Variants in DACH2 observed in about 807,000 individuals in gnomAD.
DACH2 encodes the protein dachshund homolog 2.
Under a neutral mutation model 35.8 loss-of-function variants are expected in DACH2, and 17 were observed. The ratio of observed to expected loss-of-function variants is 0.48; its 90% CI spans 0.33 to 0.71. The LOEUF (loss-of-function observed/expected upper bound fraction) is 0.71. Ranked by LOEUF, DACH2 falls within the 30% of genes least tolerant of loss-of-function variation. DACH2 has a pLI of 0.02. For missense variants in DACH2, 469 were observed against 472.7 expected (o/e 0.99, Z 0.07); for synonymous variants, 195 against 177.3 (o/e 1.10, Z -0.79).
chrX:86,191,277 C>A (rs979859559), intron 1 of DACH2, among the ~76,000 whole-genome samples: 2 of 111,978 alleles, frequency 1.8e-5, no homozygotes, highest in South Asian at 3.7e-4. Flanking sequence ...TATATATACA[C>A]CATGGAATAC....
intron 7 of DACH2, among the ~76,000 whole-genome samples, chrX:86,785,542 T>C (rs1466548091): frequency 4.5e-5 from 5 of 111,505 alleles, no homozygotes; most frequent in African/African-American, 1.6e-4. Context: ...TTTATAAGAA[T>C]AGGATCTTTG....
intron 7 of DACH2, among the ~76,000 whole-genome samples, chrX:86,777,889 A>G (rs1369254271): frequency 8.9e-6 from 1 of 111,822 alleles, no homozygotes; most frequent in Non-Finnish European, 1.9e-5. Flanking sequence ...AAGATGCCCC[A>G]GGTAACATAT....
chrX:86,275,520 C>T (rs1321633761), intron 1 of DACH2, among the ~76,000 whole-genome samples: 1 of 111,527 alleles, frequency 9.0e-6, no homozygotes, highest in East Asian at 2.8e-4. Context: ...AGGTGTCCAT[C>T]CCCTCAAGCA....
intron 2 of DACH2, among the ~76,000 whole-genome samples, chrX:86,510,605 A>C (rs762978291): frequency 8.9e-6 from 1 of 111,832 alleles, no homozygotes; most frequent in Non-Finnish European, 1.9e-5. Flanking sequence ...GGGCCCAGAG[A>C]AATTATGATT....
chrX:86,476,462 T>A (rs748996299), intron 2 of DACH2, among the ~76,000 whole-genome samples: 1 of 112,076 alleles, frequency 8.9e-6, no homozygotes, highest in African/African-American at 3.2e-5. Context: ...TAGTCACTAA[T>A]CCTTTGAACT....
At position 86,310,371 on chromosome X, in the gene DACH2, C is replaced by G. The variant is rs376151711; in HGVS notation, c.489-66453C>G. 3.9e-4 allele frequency among the ~76,000 whole-genome samples: 44 copies of G among 111,694 alleles called. No individual in the cohort carries two copies. In the East Asian group the frequency reaches 4.3e-3, roughly 11 times the overall value. On this transcript the variant is annotated intron_variant, in intron 1 of 11. Transcript: ENST00000373125. ...TGGTCTTTTCACCCCAGCCACCCTG[C>G]CTTCTCTCCCCCAGCCTGCACCAAT... is the stretch of plus-strand genomic sequence containing the variant.
At chrX:86,622,904 A>G (rs1247960226) in intron 3 of DACH2, among the ~76,000 whole-genome samples, 1 of 112,163 alleles carries the variant, frequency 8.9e-6, no homozygotes, top group Non-Finnish European at 1.9e-5. Context: ...TTAAAAAGAA[A>G]AAAAACTGGT....
intron 3 of DACH2, among the ~76,000 whole-genome samples, chrX:86,605,766 TC>T (rs1359696624): frequency 9.0e-6 from 1 of 110,605 alleles, no homozygotes; most frequent in African/African-American, 3.3e-5. Context: ...CTTTTTTCAA[TC>T]TTTTTTTGTC....
intron 3 of DACH2, among the ~76,000 whole-genome samples, chrX:86,521,541 A>G (rs2038555005): frequency 8.9e-6 from 1 of 111,782 alleles, no homozygotes; most frequent in African/African-American, 3.2e-5. Flanking sequence ...GCTTTGTTTT[A>G]CTTCCTGCCA....
chrX:86,383,906 G>A (rs2036085254), intron 2 of DACH2, among the ~76,000 whole-genome samples: 1 of 110,731 alleles, frequency 9.0e-6, no homozygotes, highest in African/African-American at 3.3e-5. Context: ...ATAATGTAAT[G>A]TTTTGCATGT....
intron 2 of DACH2, among the ~76,000 whole-genome samples, chrX:86,478,542 C>CTTTTTTTTTTT (rs767463672): frequency 2.3e-5 from 2 of 86,946 alleles, no homozygotes; most frequent in African/African-American, 4.2e-5. Context: ...TTTTGTTTTT[C>CTTTTTTTTTTT]TTTTTTTTTT....
chrX:86,751,667 C>T (rs2041774211), intron 7 of DACH2, among the ~76,000 whole-genome samples: 1 of 110,123 alleles, frequency 9.1e-6, no homozygotes, highest in Non-Finnish European at 1.9e-5. Flanking sequence ...ACTGGTGAAG[C>T]ACACAAAAAA....
At chrX:86,248,127 A>G (rs997315822) in intron 1 of DACH2, among the ~76,000 whole-genome samples, 1 of 111,629 alleles carries the variant, frequency 9.0e-6, no homozygotes, top group African/African-American at 3.3e-5. Flanking sequence ...GAGAACTGCA[A>G]CAAGACAAGT....
chrX:86,624,895 C>T (rs1178399221), intron 3 of DACH2, among the ~76,000 whole-genome samples: 1 of 110,993 alleles, frequency 9.0e-6, no homozygotes, highest in Admixed American at 9.6e-5. Context: ...ATCTACCTCC[C>T]AGCTGTGTAT....
intron 7 of DACH2, among the ~76,000 whole-genome samples, chrX:86,767,006 C>T (rs187543991): frequency 1.8e-5 from 2 of 111,842 alleles, no homozygotes; most frequent in Admixed American, 9.5e-5. Flanking sequence ...TCTTTTGCCC[C>T]GTTTTGTAAA....
chrX:86,589,051 G>A (rs903978758), intron 3 of DACH2, among the ~76,000 whole-genome samples: 50 of 111,557 alleles, frequency 4.5e-4, no homozygotes, highest in Admixed American at 1.2e-3. Flanking sequence ...TGCCTTGTTC[G>A]TTGAGAGTAT....
intron 2 of DACH2, among the ~76,000 whole-genome samples, chrX:86,418,141 T>C (rs962243333): frequency 2.7e-5 from 3 of 112,298 alleles, no homozygotes; most frequent in Non-Finnish European, 5.6e-5. Flanking sequence ...CCCCTGTGGC[T>C]TTGCAGGGTA....
At chrX:86,637,242 A>AAAAAAAAAAG (rs2040281926) in intron 3 of DACH2, among the ~76,000 whole-genome samples, 1 of 86,874 alleles carries the variant, frequency 1.2e-5, no homozygotes, top group Non-Finnish European at 2.2e-5. Context: ...AAAAAAAAAA[A>AAAAAAAAAAG]AAAACAGATG....
At position 86,564,197 on chromosome X, in the gene DACH2, A is replaced by C. The variant is rs1411646527; in HGVS notation, c.640+49806A>C. On this transcript the variant is annotated intron_variant, in intron 3 of 11. Coordinates refer to ENST00000373125, the MANE Select transcript of DACH2 (RefSeq NM_053281.3). ...CATTTATAAATTCTGGGATTACCTG[A>C]GTGATTGTTTTCTCAGAAAACCATA... Among the ~76,000 whole-genome samples, 4 of 111,346 alleles carry C rather than the reference A, an allele frequency of 3.6e-5. No homozygotes were observed. In the Admixed American group the frequency reaches 3.9e-4, roughly 11 times the overall value.
Sources: gnomAD v4.1 joint callset for allele counts (sites outside exome capture counted in the v4.1 genomes callset) on GRCh38, gnomAD v4.1.1 for gene constraint, MANE v1.5 for transcripts, NCBI Gene and HGNC (gene_info 2026-07-23, HGNC 2026-07-21) for gene names.